The following FAM78B variants were observed in gnomAD, a reference collection of about 807,000 sequenced individuals.
The protein encoded by FAM78B is family with sequence similarity 78 member B.
A neutral mutation model predicts 20.0 loss-of-function variants in FAM78B; 10 were observed. The observed-to-expected ratio is 0.50, with a 90% CI of 0.31 to 0.85. The LOEUF (loss-of-function observed/expected upper bound fraction) is 0.85, where lower values mean the gene tolerates loss of function less well. Ranked by LOEUF, FAM78B falls within the 40% of genes least tolerant of loss-of-function variation. The pLI is 0.05. For missense variants in FAM78B, 283 were observed against 345.0 expected (o/e 0.82, Z 1.42); for synonymous variants, 135 against 132.8 (o/e 1.02, Z -0.12).
At chr1:166,105,197 A>G (rs2101751026) in intron 1 of FAM78B, among the ~76,000 whole-genome samples, 1 of 152,332 alleles carries the variant, frequency 6.6e-6, no homozygotes, top group African/African-American at 2.4e-5. Context: ...CTTATACAAA[A>G]ATTAATTCAA....
chr1:166,080,736 C>A (rs1260499727), intron 1 of FAM78B, among the ~76,000 whole-genome samples: 3 of 152,236 alleles, frequency 2.0e-5, no homozygotes, highest in Non-Finnish European at 4.4e-5. Context: ...AATGTGCTCC[C>A]AGTCACGTGA....
Position 166,060,619 on chromosome 1 carries a change from C to A in FAM78B, c.*454G>T, listed in dbSNP as rs774940298. The stretch of plus-strand genomic sequence containing the variant: ...CTCACTTCCTCCTTCTCAGTCTCTG[C>A]CATGTGGTTGTGCTTGCTGGGCTTT... On this transcript the variant is annotated 3_prime_UTR_variant and NMD_transcript_variant, in exon 3 of 3. Transcript: ENST00000435676. 4 of 1,289,102 alleles carry A rather than the reference C, an allele frequency of 3.1e-6. No homozygotes were observed. The South Asian group carries it at 4.9e-5, about 16-fold the overall frequency. The allele number at this position is 1,289,102 out of a possible 1,614,324, so 79.9% of individuals were successfully genotyped here. A position where few individuals can be genotyped will look rare whatever the true frequency, so the allele number is the denominator to read the frequency against.
At chr1:166,129,273 C>T (rs1282063588) in intron 1 of FAM78B, among the ~76,000 whole-genome samples, 5 of 152,240 alleles carry the variant, frequency 3.3e-5, no homozygotes, top group African/African-American at 1.2e-4. Context: ...TGCAATTCTG[C>T]TCCTGCTGTT....
chr1:166,115,837 C>T (rs1327716780), intron 1 of FAM78B, among the ~76,000 whole-genome samples: 1 of 152,182 alleles, frequency 6.6e-6, no homozygotes, highest in African/African-American at 2.4e-5. Context: ...TCAGTCAAAT[C>T]CTTGGATCTT....
intron 1 of FAM78B, among the ~76,000 whole-genome samples, chr1:166,159,432 G>C (rs1642993367): frequency 2.6e-5 from 4 of 152,126 alleles, no homozygotes; most frequent in Admixed American, 2.6e-4. Context: ...TCAGATGAGG[G>C]GGTCAGATGA....
At chr1:166,119,056 T>C (rs1343811405) in intron 1 of FAM78B, among the ~76,000 whole-genome samples, 1 of 152,056 alleles carries the variant, frequency 6.6e-6, no homozygotes, top group Non-Finnish European at 1.5e-5. Flanking sequence ...TTCAAACTGC[T>C]ACTCCAAGTA....
At chr1:166,058,291 T>G (rs1039785774) in exon 3 of FAM78B, 5 of 152,118 alleles carry the variant, frequency 3.3e-5, no homozygotes, top group Non-Finnish European at 4.4e-5. Flanking sequence ...CTGTCACCTA[T>G]CAGAGAGTAG....
intron 1 of FAM78B, among the ~76,000 whole-genome samples, chr1:166,108,324 A>G (rs949113551): frequency 1.3e-5 from 2 of 152,330 alleles, no homozygotes; most frequent in South Asian, 2.1e-4. Context: ...ATGTACACCA[A>G]TCAGTAGCTC....
intron 1 of FAM78B, among the ~76,000 whole-genome samples, chr1:166,130,591 A>G (rs925165899): frequency 6.6e-6 from 1 of 152,166 alleles, no homozygotes; most frequent in Non-Finnish European, 1.5e-5. Context: ...AACATCCTAC[A>G]ATACAGAGGA....
chr1:166,074,954 T>C (rs1014311842), intron 1 of FAM78B, among the ~76,000 whole-genome samples: 3 of 152,168 alleles, frequency 2.0e-5, no homozygotes, highest in Non-Finnish European at 2.9e-5. Flanking sequence ...GGAATAGAGA[T>C]AGGCATTCCA....
At position 166,158,937 on chromosome 1, in the gene FAM78B, T is replaced by A. The variant is rs187685023; in HGVS notation, c.263+7049A>T. Among the ~76,000 whole-genome samples, 4 of 152,388 alleles carry A rather than the reference T, an allele frequency of 2.6e-5. No homozygotes were observed. In the East Asian group the frequency reaches 7.7e-4, roughly 29 times the overall value. On this transcript the variant is annotated intron_variant, in intron 1 of 1. Transcript: ENST00000354422. Reference sequence around the variant, plus strand: ...AAAGGAGTCCATAATAACCAACTTATAAATGACAGCCACTTCTTGTGGCCT... The same window carrying A: ...AAAGGAGTCCATAATAACCAACTTAAAAATGACAGCCACTTCTTGTGGCCT...
chr1:166,165,350 A>G (rs932940204), intron 1 of FAM78B, among the ~76,000 whole-genome samples: 2 of 152,108 alleles, frequency 1.3e-5, no homozygotes, highest in Admixed American at 1.3e-4. Flanking sequence ...GGTGCCTTCC[A>G]GCTCCCCACC....
At chr1:166,157,036 AGGG>A (rs796777949) in intron 1 of FAM78B, among the ~76,000 whole-genome samples, 3 of 938 alleles carry the variant, frequency 3.2e-3, no homozygotes, top group Non-Finnish European at 0.067. Flanking sequence ...GGGGCGGCGG[AGGG>A]GGGGGGGGGG....
intron 1 of FAM78B, among the ~76,000 whole-genome samples, chr1:166,136,746 G>A (rs932259754): frequency 2.0e-5 from 3 of 152,218 alleles, no homozygotes; most frequent in Non-Finnish European, 2.9e-5. Context: ...AACTGGGCCG[G>A]TGACTCTGAT....
intron 1 of FAM78B, among the ~76,000 whole-genome samples, chr1:166,153,436 C>A (rs1358151306): frequency 6.6e-6 from 1 of 152,220 alleles, no homozygotes; most frequent in East Asian, 1.9e-4. Flanking sequence ...CAAAGGCAGG[C>A]AGGAACCTGG....
chr1:166,086,869 T>A (rs1407948740), intron 1 of FAM78B, among the ~76,000 whole-genome samples: 1 of 151,986 alleles, frequency 6.6e-6, no homozygotes, highest in Non-Finnish European at 1.5e-5. Context: ...ATGGGTATTA[T>A]CAAACTAGAG....
At chr1:166,084,101 C>A (rs1244362593) in intron 1 of FAM78B, among the ~76,000 whole-genome samples, 3 of 151,808 alleles carry the variant, frequency 2.0e-5, no homozygotes, top group Non-Finnish European at 4.4e-5. Context: ...ATGGCATGCA[C>A]CAAGAAAGAC....
exon 3 of FAM78B, chr1:166,058,808 T>C (rs1359557464): frequency 6.6e-6 from 1 of 151,768 alleles, no homozygotes. Flanking sequence ...GGAGATCTTG[T>C]AGATGTGAAG....
chr1:166,067,657 T>C (rs566675637), downstream of FAM78B, among the ~76,000 whole-genome samples: 29 of 152,288 alleles, frequency 1.9e-4, 1 homozygote, highest in South Asian at 5.8e-3. Context: ...AAAGGGGTCA[T>C]TTCCTTGTAA....
Sources: allele counts gnomAD v4.1 joint callset (sites outside exome capture counted in the v4.1 genomes callset), GRCh38; gene constraint gnomAD v4.1.1; transcripts MANE v1.5; gene names NCBI Gene and HGNC (gene_info 2026-07-23, HGNC 2026-07-21).